Variants in MUC5AC observed in about 807,000 individuals in gnomAD.
MUC5AC encodes mucin 5AC, oligomeric mucus/gel-forming, also known as mucin-5AC.
A neutral mutation model predicts 169.7 loss-of-function variants in MUC5AC; 158 were observed. The ratio of observed to expected loss-of-function variants is 0.93; its 90% CI spans 0.82 to 1.06. The LOEUF (loss-of-function observed/expected upper bound fraction) is 1.06. MUC5AC is among the 50% of genes least tolerant of loss of function. The pLI is 0.00. For synonymous variants in MUC5AC, 1,975 were observed against 1,237.0 expected, an observed-to-expected ratio of 1.60 and a Z score of -12.52; for missense variants, 4,359 against 3,089.9, an observed-to-expected ratio of 1.41 and a Z score of -9.74.
intron 1 of MUC5AC, among the ~76,000 whole-genome samples, chr11:1,158,761 G>A (rs1860039009): frequency 1.3e-5 from 2 of 152,148 alleles, no homozygotes; most frequent in South Asian, 4.1e-4. Flanking sequence ...GGGGGTGGGT[G>A]CTCCTGGGCT....
chr11:1,161,379 T>C, intron 2 of MUC5AC, 148 bp from the exon 3 acceptor site: 12 of 367,580 alleles, frequency 3.3e-5, no homozygotes, highest in Non-Finnish European at 5.1e-5. Context: ...GGTGGGTGGG[T>C]GGGAGGGGGC....
At chr11:1,198,419 G>C in intron 43 of MUC5AC, 114 bp downstream of exon 43, 1 of 684,574 alleles carries the variant, frequency 1.5e-6, no homozygotes, top group Admixed American at 2.0e-5. Context: ...CCAGGGACTC[G>C]AGTCTCTGCA....
At position 1,188,650 on chromosome 11, in the gene MUC5AC, C is replaced by G; in HGVS notation, c.10505C>G (p.Thr3502Arg). ...TSTASVSKTS[T>R]SHVSVSKTTH... The stretch of plus-strand genomic sequence containing the variant: ...ACAGCCTCTGTTTCAAAGACCAGCA[C>G]AAGCCATGTTTCTGTATCCAAGACA... Residue 3502 changes from threonine to arginine, a missense_variant, in exon 31 of 49, where the codon ACA (threonine) becomes AGA (arginine). Coordinates refer to ENST00000621226, the MANE Select transcript of MUC5AC (RefSeq NM_001304359.2). 1.3e-6 allele frequency: 1 copy of G among 764,668 alleles called. No homozygotes were observed. Among genetic ancestry groups the G allele is most frequent in the East Asian group, 2.4e-5 (1 of 41,224 alleles). The allele number at this position is 764,668 out of a possible 1,614,324, so 47.4% of individuals were successfully genotyped here. A position where few individuals can be genotyped will look rare whatever the true frequency, so the allele number is the denominator to read the frequency against.
Position 1,194,531 on chromosome 11 carries a change from C to A in MUC5AC, c.15051C>A (p.Asn5017Lys), listed in dbSNP as rs368859973. Residue 5017 changes from asparagine (N) to lysine (K), a missense_variant, in exon 35 of 49, where the codon AAC becomes AAA. By Grantham distance (94) the Asn-to-Lys change is moderately conservative (BLOSUM62 0). Coordinates refer to ENST00000621226, the MANE Select transcript of MUC5AC (RefSeq NM_001304359.2). ...TGGTCAGCCCCGGCTTCCGGAAAAACGGCATCGTGGTCTCGCGCATCGGCG... is the reference window on the plus strand; with the variant it reads ...TGGTCAGCCCCGGCTTCCGGAAAAAAGGCATCGTGGTCTCGCGCATCGGCG... ...NKVVSPGFRK[N>K]GIVVSRIGVK... The A allele has an allele frequency of 1.3e-5, 10 of 763,224 alleles. No individual in the cohort carries two copies. The highest frequency in any genetic ancestry group is 1.1e-4 in the South Asian group (8 of 74,410). 47.3% of individuals were successfully genotyped at this position (763,224 alleles called of 1,614,324 possible). A position where few individuals can be genotyped will look rare whatever the true frequency, so the allele number is the denominator to read the frequency against.
chr11:1,167,940 G>C lies in MUC5AC; in HGVS notation c.1450G>C (p.Glu484Gln). The change falls in exon 12 of 49, where the codon GAG becomes CAG. Residue 484 changes from glutamate to glutamine, a missense_variant. Coordinates refer to ENST00000621226, the MANE Select transcript of MUC5AC (RefSeq NM_001304359.2). ...GCGCAGGTGCGGGCTGACGGACAGC[G>C]AGACCTGCCTGAAGAGCGTGACACT... The part of the protein sequence containing the change: ...ELRRCGLTDS[E>Q]TCLKSVTLSL... 1 of 1,550,866 alleles carries C rather than the reference G, an allele frequency of 6.4e-7. No individual in the cohort carries two copies. The highest frequency in any genetic ancestry group is 1.2e-5 in the South Asian group (1 of 84,072).
chr11:1,169,184 CA>C, intron 15 of MUC5AC, 158 bp downstream of exon 15: 1 of 982,092 alleles, frequency 1.0e-6, no homozygotes, highest in Non-Finnish European at 1.2e-6. Context: ...GGTGGGCGCC[CA>C]ACCCAGCTTA....
chr11:1,189,186 A>G lies in MUC5AC; in HGVS notation c.11041A>G (p.Thr3681Ala), dbSNP rs1258700746. ...AACCTCTGCCCCTACAACTAGCACA[A>G]CCCCTGCTTCTATACCCAGCACAAC... ...STTSAPTTST[T>A]PASIPSTTSA... Residue 3681 changes from threonine to alanine, a missense_variant, in exon 31 of 49, where the codon ACC becomes GCC. Physicochemically the swap from Thr to Ala is moderately conservative, Grantham distance 58. Transcript: ENST00000621226. 2.5e-5 allele frequency: 15 copies of G among 596,354 alleles called. No homozygotes were observed. Among genetic ancestry groups the G allele is most frequent in the African/African-American group, 2.4e-4 (13 of 53,952 alleles). 36.9% of individuals were successfully genotyped at this position (596,354 alleles called of 1,614,324 possible).
At chr11:1,182,131 A>G (rs1043156522) in intron 30 of MUC5AC, 24 bp from the exon 31 acceptor site, 7 of 398,542 alleles carry the variant, frequency 1.8e-5, no homozygotes, top group Middle Eastern at 6.3e-4. Context: ...TCTCATGCTC[A>G]GCTGCCTTCT....
At chr11:1,197,820 C>G in intron 41 of MUC5AC, 83 bp from the exon 42 acceptor site, 1 of 658,566 alleles carries the variant, frequency 1.5e-6, no homozygotes, top group East Asian at 2.7e-5. Context: ...CTAGGCGGTC[C>G]GCAATCCTAG....
Position 1,199,120 on chromosome 11 carries a change from T to C in MUC5AC, c.16330T>C (p.Cys5444Arg). The C allele has an allele frequency of 1.3e-6, 1 of 764,760 alleles. No homozygotes were observed. Among genetic ancestry groups the C allele is most frequent in the Non-Finnish European group, 2.4e-6 (1 of 417,740 alleles). The allele number at this position is 764,760 out of a possible 1,614,324, so 47.4% of individuals were successfully genotyped here. A position where few individuals can be genotyped will look rare whatever the true frequency, so the allele number is the denominator to read the frequency against. The change falls in exon 45 of 49, where the codon TGT (cysteine) becomes CGT (arginine). Residue 5444 changes from cysteine to arginine, a missense_variant. Coordinates refer to ENST00000621226, the MANE Select transcript of MUC5AC (RefSeq NM_001304359.2). ...FEYQEQSGQCCGTCVQVACVT... is the reference protein window; with the variant it reads ...FEYQEQSGQCRGTCVQVACVT... ...GTACCAGGAGCAGAGCGGGCAGTGC[T>C]GTGGCACCTGTGTGCAGGTCGCCTG...
chr11:1,200,165 G>A (rs1382962657), intron 48 of MUC5AC, among the ~76,000 whole-genome samples, 196 bp downstream of exon 48: 3 of 152,314 alleles, frequency 2.0e-5, no homozygotes, highest in East Asian at 3.9e-4. Context: ...AGCCTGTGTC[G>A]GCATCACGCT....
rs1210207195 is a variant in MUC5AC at position 1,190,251 on chromosome 11, G to A, written c.12106G>A (p.Gly4036Arg). Residue 4036 changes from glycine (G) to arginine (R), a missense_variant, in exon 31 of 49, where the codon GGA becomes AGA. Gly to Arg is a moderately radical substitution (Grantham distance 125). Coordinates refer to ENST00000621226, the MANE Select transcript of MUC5AC (RefSeq NM_001304359.2). The stretch of plus-strand genomic sequence containing the variant: ...GGTGTGCCGGAACCAGGACCAGCAG[G>A]GACCCTTCAAGATGTGCCTCAACTA... ...GLVCRNQDQQ[G>R]PFKMCLNYEV... is the part of the protein sequence containing the mutation. 30 of 733,284 alleles carry A rather than the reference G, an allele frequency of 4.1e-5. No homozygotes were observed. Among genetic ancestry groups the A allele is most frequent in the Non-Finnish European group, 7.0e-5 (28 of 402,054 alleles). The allele number at this position is 733,284 out of a possible 1,614,324, so 45.4% of individuals were successfully genotyped here. A position where few individuals can be genotyped will look rare whatever the true frequency, so the allele number is the denominator to read the frequency against.
chr11:1,165,596 C>G, intron 10 of MUC5AC, 26 bp from the exon 11 acceptor site: 2 of 1,610,452 alleles, frequency 1.2e-6, no homozygotes, highest in Non-Finnish European at 1.7e-6. Flanking sequence ...GGCCGGCACC[C>G]ACGTGGCACC....
Position 1,190,613 on chromosome 11 carries a change from T to C in MUC5AC, c.12468T>C (p.Ala4156=). 2 of 693,546 alleles carry C rather than the reference T, an allele frequency of 2.9e-6. No homozygotes were observed. The highest frequency in any genetic ancestry group is 1.5e-5 in the South Asian group (1 of 65,592). 43.0% of individuals were successfully genotyped at this position (693,546 alleles called of 1,614,324 possible). Residue 4156 remains alanine, a synonymous_variant, in exon 31 of 49, where the codon GCT becomes GCC. Coordinates refer to ENST00000621226, the MANE Select transcript of MUC5AC (RefSeq NM_001304359.2). The part of the protein sequence containing the change: ...TSGPTTSTTL[A]PTTSTTSAPT... The stretch of plus-strand genomic sequence containing the variant: ...GTCCTACAACCAGCACAACCTTGGC[T>C]CCTACAACCAGCACAACCTCTGCTC...
chr11:1,184,340 G>T lies in MUC5AC; in HGVS notation c.6195G>T (p.Pro2065=). 1 of 473,328 alleles carries T rather than the reference G, an allele frequency of 2.1e-6. No homozygotes were observed. The allele number at this position is 473,328 out of a possible 1,614,324, so 29.3% of individuals were successfully genotyped here. The part of the protein sequence containing the change: ...RPPKTVATTR[P]TPHPTGAQTQ... ...CAAAGACCGTCGCAACGACACGGCC[G>T]ACTCCACATCCAACCGGAGCTCAGA... Residue 2065 remains proline (P), a synonymous_variant, in exon 31 of 49, where the codon CCG becomes CCT. Transcript: ENST00000621226.
rs1247064514 is a variant in MUC5AC, at chr11:1,165,379, T to C, written c.1207T>C (p.Tyr403His). 1.2e-6 allele frequency: 2 copies of C among 1,612,312 alleles called. No individual in the cohort carries two copies. Among genetic ancestry groups the C allele is most frequent in the Non-Finnish European group, 1.7e-6 (2 of 1,179,720 alleles). Residue 403 changes from tyrosine (Y) to histidine (H), a missense_variant, in exon 10 of 49, where the codon TAT becomes CAT. Physicochemically the swap from Tyr to His is moderately conservative, Grantham distance 83. Transcript: ENST00000621226. ...TGCCTGCGTCTACAACGGGGCTGCC[T>C]ATGCCCCAGGGGCCACCTACTCCAC... ...KCACVYNGAA[Y>H]APGATYSTDC...
rs775697229 is a variant in MUC5AC at position 1,158,812 on chromosome 11, G to A, written c.73+740G>A. ...CAGGGACCTCAGCACTGCCGAGACC[G>A]CCACATGGCCCACCCAGGTCCCTCG... On this transcript the variant is annotated intron_variant, in intron 1 of 48. Coordinates refer to ENST00000621226, the MANE Select transcript of MUC5AC (RefSeq NM_001304359.2). Among the ~76,000 whole-genome samples, 102 of 152,286 alleles carry A rather than the reference G, an allele frequency of 6.7e-4. No individual in the cohort carries two copies. The Middle Eastern group carries it at 0.01, about 15-fold the overall frequency.
Position 1,195,954 on chromosome 11 carries a change from G to T in MUC5AC, c.15537G>T (p.Thr5179=), listed in dbSNP as rs563195430. The T allele has an allele frequency of 1.3e-6, 1 of 764,884 alleles. No homozygotes were observed. The highest frequency in any genetic ancestry group is 1.3e-5 in the South Asian group (1 of 74,624). The allele number at this position is 764,884 out of a possible 1,614,324, so 47.4% of individuals were successfully genotyped here. Reference sequence around the variant, plus strand: ...GCGTCTTTGACCGGTGCCACATGACGGACCTGGATGTGGTGTGCTCCAGCC... The same window carrying T: ...GCGTCTTTGACCGGTGCCACATGACTGACCTGGATGTGGTGTGCTCCAGCC... ...EGCVFDRCHM[T]DLDVVCSSLE... Residue 5179 remains threonine (T), a synonymous_variant, in exon 37 of 49, where the codon ACG becomes ACT. Transcript: ENST00000621226.
At chr11:1,192,594 A>T in intron 31 of MUC5AC, 69 bp downstream of exon 31, 2 of 734,454 alleles carry the variant, frequency 2.7e-6, no homozygotes, top group Non-Finnish European at 5.0e-6. Context: ...AGGAACGCCA[A>T]GCTGTGATGA....
Sources: gnomAD v4.1 joint callset for allele counts (sites outside exome capture counted in the v4.1 genomes callset) on GRCh38, gnomAD v4.1.1 for gene constraint, MANE v1.5 for transcripts, NCBI Gene and HGNC (gene_info 2026-07-23, HGNC 2026-07-21) for gene names.